MCC: variants seen among roughly 807,000 people sequenced by gnomAD.
MCC encodes the protein MCC regulator of Wnt signaling pathway, also known as colorectal mutant cancer protein.
A neutral mutation model predicts 116.2 loss-of-function variants in MCC; 90 were observed. That is an observed-to-expected ratio of 0.77 (90% confidence interval 0.65 to 0.92). The LOEUF (loss-of-function observed/expected upper bound fraction) is 0.92, where lower values mean the gene tolerates loss of function less well. MCC is among the 40% of genes least tolerant of loss of function. MCC has a pLI of 0.00. For missense variants in MCC, 1,516 were observed against 1,312.2 expected (o/e 1.16, Z -2.40); for synonymous variants, 578 against 510.5 (o/e 1.13, Z -1.78).
intron 2 of MCC, among the ~76,000 whole-genome samples, chr5:113,377,988 T>C (rs775329981): frequency 6.6e-6 from 1 of 152,238 alleles, no homozygotes; most frequent in Non-Finnish European, 1.5e-5. Flanking sequence ...GAGTCTGGTT[T>C]TATGCTCACT....
intron 3 of MCC, among the ~76,000 whole-genome samples, chr5:113,219,833 A>G (rs545887738): frequency 1.3e-5 from 2 of 152,130 alleles, no homozygotes; most frequent in East Asian, 3.9e-4. Context: ...GGCCTTCAGA[A>G]TGACTCCCAC....
intron 3 of MCC, among the ~76,000 whole-genome samples, chr5:113,261,627 T>C (rs1057158459): frequency 1.3e-5 from 2 of 152,214 alleles, no homozygotes; most frequent in African/African-American, 4.8e-5. Flanking sequence ...AATATTATCA[T>C]ATTTAAGTTA....
intron 17 of MCC, 142 bp from the exon 18 acceptor site, chr5:113,029,198 C>A: frequency 1.5e-6 from 1 of 655,588 alleles, no homozygotes; most frequent in Non-Finnish European, 2.4e-6. Flanking sequence ...CTAAAGGGCC[C>A]AACAGCGCTA....
chr5:113,078,057 G>C (rs1561786861), intron 11 of MCC, among the ~76,000 whole-genome samples: 1 of 152,168 alleles, frequency 6.6e-6, no homozygotes, highest in South Asian at 2.1e-4. Flanking sequence ...AAATCTAGAA[G>C]AAACAGATAA....
At chr5:113,112,262 C>T (rs553640684) in intron 6 of MCC, among the ~76,000 whole-genome samples, 13 of 152,224 alleles carry the variant, frequency 8.5e-5, no homozygotes, top group African/African-American at 3.1e-4. Flanking sequence ...GGGTTTGTGT[C>T]CCTACCCAAA....
chr5:113,089,391 G>A (rs1051856954), intron 8 of MCC, among the ~76,000 whole-genome samples: 1 of 152,218 alleles, frequency 6.6e-6, no homozygotes, highest in African/African-American at 2.4e-5. Context: ...TTACCCTCTG[G>A]TATTTCTTCA....
In MCC at chr5:113,123,899, C is replaced by A. The variant is rs1407867457; in HGVS notation, c.885-1073G>T. On this transcript the variant is annotated intron_variant, in intron 5 of 18. Transcript: ENST00000408903. ...GGCATTCATTTTAAGTTGTCAACAA[C>A]CAGAGGAGAAGAAAGTCTACAGTGT... 2.6e-5 allele frequency among the ~76,000 whole-genome samples: 4 copies of A among 152,070 alleles called. No individual in the cohort carries two copies. The East Asian group carries it at 7.7e-4, about 29-fold the overall frequency.
rs372981732 is a variant in MCC, at chr5:113,384,927, G to T, written c.415+41C>A. On this transcript the variant is annotated intron_variant, in intron 2 of 18. Coordinates refer to ENST00000408903, the MANE Select transcript of MCC (RefSeq NM_001085377.2). ...CATTTAATGAGAGATCACAGGCAAG[G>T]CCAGTGGAGTGCCATAAAACTGCCA... 9 of 1,610,194 alleles carry T rather than the reference G, an allele frequency of 5.6e-6. No homozygotes were observed. The African/African-American group carries it at 8.0e-5, about 14-fold the overall frequency.
chr5:113,246,192 T>C (rs1764568217), intron 3 of MCC, among the ~76,000 whole-genome samples: 1 of 152,212 alleles, frequency 6.6e-6, no homozygotes, highest in South Asian at 2.1e-4. Context: ...AGTCACATTC[T>C]AGACATTTTA....
chr5:113,154,596 C>T (rs1760068644), intron 3 of MCC, among the ~76,000 whole-genome samples: 1 of 152,176 alleles, frequency 6.6e-6, no homozygotes, highest in Non-Finnish European at 1.5e-5. Context: ...ACATAACCTC[C>T]CCTCTTTTGG....
chr5:113,401,792 C>G (rs1221164918), intron 1 of MCC, among the ~76,000 whole-genome samples: 1 of 150,740 alleles, frequency 6.6e-6, no homozygotes, highest in African/African-American at 2.4e-5. Context: ...TATATATTCT[C>G]CTCTAGAAGT....
At chr5:113,087,790 C>G (rs1281410679) in intron 8 of MCC, among the ~76,000 whole-genome samples, 3 of 143,548 alleles carry the variant, frequency 2.1e-5, no homozygotes, top group Admixed American at 2.1e-4. Flanking sequence ...TTTTTTATAT[C>G]TCTATTTAAA....
chr5:113,027,246 C>T lies in MCC; in HGVS notation c.*56G>A. ...ACAAGTACATGGGCCCTTCTGTCCC[C>T]AGTGGCCTGCTGCAGTTTACTTCCC... On this transcript the variant is annotated 3_prime_UTR_variant, in exon 19 of 19. Coordinates refer to ENST00000408903, the MANE Select transcript of MCC (RefSeq NM_001085377.2). The T allele has an allele frequency of 6.3e-7, 1 of 1,579,170 alleles. No individual in the cohort carries two copies. Among genetic ancestry groups the T allele is most frequent in the Non-Finnish European group, 8.6e-7 (1 of 1,156,498 alleles).
chr5:113,146,453 A>G (rs1759526997), intron 4 of MCC, among the ~76,000 whole-genome samples: 1 of 151,318 alleles, frequency 6.6e-6, no homozygotes, highest in South Asian at 2.1e-4. Context: ...CCTTGGTCTC[A>G]GACCCTGAAA....
chr5:113,418,514 C>T (rs1241733942), intron 1 of MCC, among the ~76,000 whole-genome samples: 10 of 150,030 alleles, frequency 6.7e-5, no homozygotes, highest in Non-Finnish European at 1.5e-5. Flanking sequence ...CAACCTCCAG[C>T]CATGTGAAAT....
chr5:113,035,477 G>C lies in MCC; in HGVS notation c.2757-6421C>G, dbSNP rs375196859. On this transcript the variant is annotated intron_variant, in intron 17 of 18. Transcript: ENST00000408903. ...ACATGACAGATCTGATCATGTTACTGTCCTTCACTGCCTTTCACCTACACG... is the reference window on the plus strand; with the variant it reads ...ACATGACAGATCTGATCATGTTACTCTCCTTCACTGCCTTTCACCTACACG... 1.2e-3 allele frequency among the ~76,000 whole-genome samples: 180 copies of C among 152,286 alleles called. 1 individual carries two copies. The highest frequency in any genetic ancestry group is 4.2e-3 in the African/African-American group (174 of 41,558).
chr5:113,133,370 G>A (rs1358535954), intron 5 of MCC, among the ~76,000 whole-genome samples: 1 of 152,022 alleles, frequency 6.6e-6, no homozygotes, highest in Non-Finnish European at 1.5e-5. Context: ...GCTCCCACAT[G>A]AGTAAGAACA....
At chr5:113,266,397 C>T (rs1002761508) in intron 3 of MCC, among the ~76,000 whole-genome samples, 1 of 152,190 alleles carries the variant, frequency 6.6e-6, no homozygotes, top group Admixed American at 6.5e-5. Flanking sequence ...ATTACACAAC[C>T]CCACAGGGCT....
chr5:113,153,468 C>T (rs986296094), intron 3 of MCC, among the ~76,000 whole-genome samples: 37 of 152,122 alleles, frequency 2.4e-4, no homozygotes, highest in African/African-American at 8.7e-4. Context: ...GGGAGAGCAC[C>T]GGGCTTAGAG....
Sources: gnomAD v4.1 joint callset for allele counts (sites outside exome capture counted in the v4.1 genomes callset) on GRCh38, gnomAD v4.1.1 for gene constraint, MANE v1.5 for transcripts, NCBI Gene and HGNC (gene_info 2026-07-23, HGNC 2026-07-21) for gene names.